The following PREP variants were observed in gnomAD, a reference collection of about 807,000 sequenced individuals.
PREP encodes dJ355L5.1 (prolyl endopeptidase).
Under a neutral mutation model 87.6 loss-of-function variants are expected in PREP, and 29 were observed. The ratio of observed to expected loss-of-function variants is 0.33; its 90% CI spans 0.25 to 0.45. PREP has a LOEUF of 0.45. Ranked by LOEUF, PREP falls within the 20% of genes least tolerant of loss-of-function variation. The pLI is 1.00. For missense variants in PREP, 695 were observed against 886.5 expected (o/e 0.78, Z 2.74); for synonymous variants, 337 against 328.6 (o/e 1.03, Z -0.28).
chr6:105,377,247 C>A, intron 3 of PREP, 139 bp downstream of exon 3: 1 of 995,620 alleles, frequency 1.0e-6, no homozygotes, highest in Non-Finnish European at 1.5e-6. Context: ...AAATATTACT[C>A]TCATATTCAG....
chr6:105,306,821 G>A (rs937262893), intron 10 of PREP, among the ~76,000 whole-genome samples: 8 of 151,702 alleles, frequency 5.3e-5, no homozygotes, highest in African/African-American at 7.3e-5. Context: ...CACCTGGTAG[G>A]TAGATGGCCT....
intron 5 of PREP, among the ~76,000 whole-genome samples, chr6:105,371,912 C>G (rs577381897): frequency 6.6e-6 from 1 of 152,126 alleles, no homozygotes; most frequent in Non-Finnish European, 1.5e-5. Flanking sequence ...AATGTAATAA[C>G]GTTCTCTAAC....
chr6:105,308,634 G>A (rs1454924548), intron 10 of PREP, among the ~76,000 whole-genome samples: 1 of 151,868 alleles, frequency 6.6e-6, no homozygotes, highest in East Asian at 1.9e-4. Flanking sequence ...CCAGAGGAGA[G>A]GAAGATGGTC....
At chr6:105,305,909 T>C (rs1770644577) in intron 10 of PREP, among the ~76,000 whole-genome samples, 1 of 151,860 alleles carries the variant, frequency 6.6e-6, no homozygotes, top group Non-Finnish European at 1.5e-5. Flanking sequence ...GGTACAATCA[T>C]AGCTCACTTG....
At chr6:105,370,986 C>T (rs2114706021) in intron 5 of PREP, among the ~76,000 whole-genome samples, 1 of 152,282 alleles carries the variant, frequency 6.6e-6, no homozygotes, top group Middle Eastern at 3.4e-3. Context: ...GAATGTACAA[C>T]ACCAAAATCA....
At chr6:105,399,785 C>T (rs908790728) in intron 1 of PREP, among the ~76,000 whole-genome samples, 2 of 152,182 alleles carry the variant, frequency 1.3e-5, no homozygotes, top group East Asian at 1.9e-4. Context: ...TCATGCACTT[C>T]TAGGAGCAAC....
intron 6 of PREP, among the ~76,000 whole-genome samples, chr6:105,359,379 G>A (rs2114691838): frequency 6.6e-6 from 1 of 152,340 alleles, no homozygotes; most frequent in Admixed American, 6.5e-5. Context: ...TGAGTTCTGA[G>A]AAGGCTTTTG....
intron 10 of PREP, among the ~76,000 whole-genome samples, chr6:105,306,359 G>T (rs373848707): frequency 7.9e-4 from 120 of 151,854 alleles, no homozygotes; most frequent in African/African-American, 2.8e-3. Flanking sequence ...GTGCAAGAAC[G>T]TTCATTCAGC....
intron 7 of PREP, among the ~76,000 whole-genome samples, chr6:105,342,604 C>A (rs1357647450): frequency 2.7e-4 from 41 of 152,192 alleles, no homozygotes; most frequent in Admixed American, 2.7e-3. Context: ...TCCCTGTTTG[C>A]AGATGACACG....
intron 7 of PREP, among the ~76,000 whole-genome samples, chr6:105,350,340 C>G (rs1270553334): frequency 6.6e-6 from 1 of 151,732 alleles, no homozygotes; most frequent in African/African-American, 2.4e-5. Flanking sequence ...TATTTGCAGA[C>G]ATGGAAATAT....
At chr6:105,387,162 C>T (rs1364434305) in intron 2 of PREP, among the ~76,000 whole-genome samples, 1 of 151,876 alleles carries the variant, frequency 6.6e-6, no homozygotes, top group Non-Finnish European at 1.5e-5. Flanking sequence ...GTGGAGGTTG[C>T]AGTGGAGATC....
At chr6:105,369,057 CT>C (rs1387000871) in intron 5 of PREP, 33 bp from the exon 6 acceptor site, 2 of 1,606,060 alleles carry the variant, frequency 1.2e-6, no homozygotes, top group Non-Finnish European at 1.7e-6. Context: ...CTGAAATGTA[CT>C]TGATAATTTT....
intron 2 of PREP, among the ~76,000 whole-genome samples, chr6:105,393,335 T>C (rs543464086): frequency 4.6e-4 from 70 of 152,224 alleles, no homozygotes; most frequent in Non-Finnish European, 8.4e-4. Context: ...TAAGGCTATA[T>C]CCTTTATAAA....
At chr6:105,311,845 A>C (rs1770767050) in intron 10 of PREP, among the ~76,000 whole-genome samples, 1 of 152,236 alleles carries the variant, frequency 6.6e-6, no homozygotes, top group Non-Finnish European at 1.5e-5. Flanking sequence ...ACATAAATGA[A>C]TTGTAAATCC....
intron 7 of PREP, among the ~76,000 whole-genome samples, chr6:105,351,456 T>C (rs1032930146): frequency 2.0e-5 from 3 of 152,294 alleles, no homozygotes; most frequent in Non-Finnish European, 2.9e-5. Context: ...TTCTAAATGC[T>C]AACGCTGCAA....
intron 6 of PREP, among the ~76,000 whole-genome samples, chr6:105,360,915 T>C (rs909707385): frequency 3.9e-5 from 6 of 152,108 alleles, no homozygotes; most frequent in African/African-American, 1.2e-4. Context: ...CACTGGGTCA[T>C]TTGAAGGCTT....
chr6:105,306,127 G>A lies in PREP; in HGVS notation c.1318-17233C>T, dbSNP rs75787913. On this transcript the variant is annotated intron_variant, in intron 10 of 14. Coordinates refer to ENST00000652536, the MANE Select transcript of PREP (RefSeq NM_002726.5). ...CAATGTGCTGGGATTACAAGCGTGAGCCACCTTGCCCAGCCCTATATATAC... is the reference window on the plus strand; with the variant it reads ...CAATGTGCTGGGATTACAAGCGTGAACCACCTTGCCCAGCCCTATATATAC... Among the ~76,000 whole-genome samples, 1,221 of 152,242 alleles carry A rather than the reference G, an allele frequency of 8.0e-3. 46 individuals carry two copies. The East Asian group carries it at 0.091, about 11-fold the overall frequency.
intron 2 of PREP, among the ~76,000 whole-genome samples, chr6:105,386,391 G>A (rs1424413727): frequency 2.6e-5 from 4 of 152,124 alleles, no homozygotes; most frequent in Non-Finnish European, 5.9e-5. Context: ...GGAGGTGTTG[G>A]CACAGACAAG....
chr6:105,305,970 T>C (rs1475337224), intron 10 of PREP, among the ~76,000 whole-genome samples: 2 of 151,898 alleles, frequency 1.3e-5, no homozygotes, highest in African/African-American at 4.8e-5. Flanking sequence ...GTCTCCTGAG[T>C]AGCTGAGACT....
Sources: allele counts gnomAD v4.1 joint callset (sites outside exome capture counted in the v4.1 genomes callset), GRCh38; gene constraint gnomAD v4.1.1; transcripts MANE v1.5; gene names NCBI Gene and HGNC (gene_info 2026-07-23, HGNC 2026-07-21).